Variants in C6 observed in about 807,000 individuals in gnomAD.
The protein encoded by C6 is complement component C6.
A neutral mutation model predicts 112.9 loss-of-function variants in C6; 101 were observed. The observed-to-expected ratio is 0.89, with a 90% CI of 0.76 to 1.06. C6 has a LOEUF of 1.06. Among genes scored for constraint, C6 ranks in the 50% least tolerant of loss-of-function variants. The pLI is 0.00. For missense variants in C6, 1,202 were observed against 1,104.6 expected (o/e 1.09, Z -1.25); for synonymous variants, 431 against 384.1 (o/e 1.12, Z -1.43).
In C6 at chr5:41,246,542, G is replaced by A. The variant is rs540097285; in HGVS notation, c.-21+14652C>T. Among the ~76,000 whole-genome samples the A allele has an allele frequency of 1.2e-4, 19 of 152,300 alleles. No individual in the cohort carries two copies. In the South Asian group the frequency reaches 3.9e-3, roughly 32 times the overall value. Reference sequence around the variant, plus strand: ...AGTCATACCACTTAAAGCAATATTAGTTACATCAGCGTGACAGCACAGTCA... The same window carrying A: ...AGTCATACCACTTAAAGCAATATTAATTACATCAGCGTGACAGCACAGTCA... On this transcript the variant is annotated intron_variant, in intron 1 of 17. Transcript: ENST00000263413.
At chr5:41,240,062 T>C (rs1354161604) in intron 1 of C6, among the ~76,000 whole-genome samples, 1 of 152,210 alleles carries the variant, frequency 6.6e-6, no homozygotes, top group East Asian at 1.9e-4. Flanking sequence ...TTTGACAGTT[T>C]GACTATAATG....
At chr5:41,235,036 G>T (rs1402975155) in intron 1 of C6, among the ~76,000 whole-genome samples, 1 of 147,400 alleles carries the variant, frequency 6.8e-6, no homozygotes, top group African/African-American at 2.5e-5. Context: ...ATTTTTGAAA[G>T]TCCAAGTCCT....
intron 1 of C6, among the ~76,000 whole-genome samples, chr5:41,211,552 G>GTCCCAAACATTTGGGAGCTGAGGC (rs940546561): frequency 2.6e-5 from 4 of 152,034 alleles, no homozygotes; most frequent in East Asian, 1.9e-4. Context: ...TATAATGTGA[G>GTCCCAAACATTTGGGAGCTGAGGC]TCCCAAACAT....
At chr5:41,218,087 C>T (rs1382723262), upstream of C6, among the ~76,000 whole-genome samples, 2 of 152,248 alleles carry the variant, frequency 1.3e-5, no homozygotes, top group East Asian at 3.9e-4. Context: ...ATATACCAGG[C>T]ATTATGCTGG....
chr5:41,186,242 A>T (rs776952532), intron 5 of C6, 34 bp from the exon 6 acceptor site: 1 of 1,610,476 alleles, frequency 6.2e-7, no homozygotes, highest in Non-Finnish European at 8.5e-7. Context: ...AATTCAACAG[A>T]TGTAGAACAA....
chr5:41,191,535 A>C (rs1442892219), intron 5 of C6, among the ~76,000 whole-genome samples: 1 of 152,120 alleles, frequency 6.6e-6, no homozygotes, highest in Non-Finnish European at 1.5e-5. Context: ...TAATATTCCA[A>C]TCCATAAAAA....
At chr5:41,226,429 C>T (rs1342092128) in intron 1 of C6, among the ~76,000 whole-genome samples, 18 of 152,170 alleles carry the variant, frequency 1.2e-4, no homozygotes, top group Admixed American at 3.9e-4. Flanking sequence ...GTTAGAATGG[C>T]GATCATTAAA....
chr5:41,156,309 C>T (rs1017035632), intron 13 of C6, among the ~76,000 whole-genome samples: 3 of 152,070 alleles, frequency 2.0e-5, no homozygotes, highest in Admixed American at 6.6e-5. Flanking sequence ...CTTTGATTTC[C>T]CTAGTATCTT....
chr5:41,230,385 T>G (rs1436819091), intron 1 of C6, among the ~76,000 whole-genome samples: 5 of 152,034 alleles, frequency 3.3e-5, no homozygotes, highest in Admixed American at 6.6e-5. Context: ...TGGGGAAGGA[T>G]TGCATTCCTG....
rs772097806 is a variant in C6, at chr5:41,161,701, C to CA, written c.1449dup (p.Asp484Ter). 2 of 1,613,268 alleles carry CA rather than the reference C, an allele frequency of 1.2e-6. No individual in the cohort carries two copies. The highest frequency in any genetic ancestry group is 1.1e-5 in the South Asian group (1 of 91,040). On this transcript the variant is annotated frameshift_variant, in exon 10 of 18. Coordinates refer to ENST00000337836, the MANE Select transcript of C6 (RefSeq NM_000065.5). LOFTEE classifies it high-confidence loss of function. ...ATAATTTTTACTCTTACCTCAAAGT[C>CA]AATCACAGCAGGATTTTCCTTCACT...
rs371104902 is a variant in C6, at chr5:41,182,265, C to CT, written c.727-707dup. Among the ~76,000 whole-genome samples the CT allele has an allele frequency of 6.2e-3, 883 of 141,872 alleles. 5 individuals carry two copies. The highest frequency in any genetic ancestry group is 0.019 in the Middle Eastern group (5 of 270). The allele number at this position is 141,872 out of a possible 152,430, so 93.1% of individuals were successfully genotyped here. ...GGCAATATGTCACTTCCCCCCGCCC[C>CT]TTTTTTTTTTTTTGCAATTCATCAT... On this transcript the variant is annotated intron_variant, in intron 6 of 17. Coordinates refer to ENST00000337836, the MANE Select transcript of C6 (RefSeq NM_000065.5).
At chr5:41,158,185 G>A (rs542127795) in intron 13 of C6, among the ~76,000 whole-genome samples, 77 of 151,978 alleles carry the variant, frequency 5.1e-4, no homozygotes, top group African/African-American at 1.6e-3. Flanking sequence ...ATAGAAACAT[G>A]TTGTGGCTTG....
intron 1 of C6, among the ~76,000 whole-genome samples, chr5:41,238,809 A>G (rs1014823738): frequency 9.2e-5 from 14 of 152,192 alleles, no homozygotes; most frequent in Non-Finnish European, 1.3e-4. Flanking sequence ...ATTGGTAAAA[A>G]TGTATTAAAA....
At chr5:41,238,376 CAG>C (rs1740464107) in intron 1 of C6, among the ~76,000 whole-genome samples, 1 of 151,820 alleles carries the variant, frequency 6.6e-6, no homozygotes, top group South Asian at 2.1e-4. Context: ...GGTACCAAAA[CAG>C]AGATATAGAT....
intron 1 of C6, among the ~76,000 whole-genome samples, chr5:41,204,201 C>T (rs1444903): frequency 0.16 from 24,815 of 152,128 alleles, 2,115 homozygotes; most frequent in Admixed American, 0.23. Context: ...TGCCATTCGC[C>T]TAATTTTTCT....
chr5:41,240,780 G>A (rs1329260134), intron 1 of C6, among the ~76,000 whole-genome samples: 1 of 152,108 alleles, frequency 6.6e-6, no homozygotes, highest in Non-Finnish European at 1.5e-5. Context: ...GATGGGGTGG[G>A]GTGATACCCC....
At chr5:41,210,877 C>G (rs1028573771) in intron 1 of C6, among the ~76,000 whole-genome samples, 3 of 152,218 alleles carry the variant, frequency 2.0e-5, no homozygotes, top group African/African-American at 2.4e-5. Context: ...CCCAGCCATC[C>G]TGTTACTGGG....
chr5:41,158,993 CT>C, intron 12 of C6, 88 bp downstream of exon 12: 1 of 1,441,642 alleles, frequency 6.9e-7, no homozygotes, highest in Non-Finnish European at 9.8e-7. Flanking sequence ...TATTTCTTTA[CT>C]TAGCAGTAGA....
chr5:41,247,915 A>G (rs1022996713), intron 1 of C6, among the ~76,000 whole-genome samples: 2 of 152,156 alleles, frequency 1.3e-5, no homozygotes, highest in Non-Finnish European at 2.9e-5. Flanking sequence ...GTATTATATT[A>G]CCCAACTTCA....
Sources: gnomAD v4.1 joint callset for allele counts (sites outside exome capture counted in the v4.1 genomes callset) on GRCh38, gnomAD v4.1.1 for gene constraint, MANE v1.5 for transcripts, NCBI Gene and HGNC (gene_info 2026-07-23, HGNC 2026-07-21) for gene names.